ASTN2: variants seen among roughly 807,000 people sequenced by gnomAD.
ASTN2 encodes astrotactin-2.
A neutral mutation model predicts 139.8 loss-of-function variants in ASTN2; 54 were observed. The observed-to-expected ratio is 0.39, with a 90% confidence interval of 0.31 to 0.48. The LOEUF (loss-of-function observed/expected upper bound fraction) is 0.48, where lower values mean the gene tolerates loss of function less well. Among genes scored for constraint, ASTN2 ranks in the 20% least tolerant of loss-of-function variants. ASTN2 has a pLI of 0.95. For missense variants in ASTN2, 1,565 were observed against 1,725.1 expected (o/e 0.91, Z 1.64); for synonymous variants, 756 against 719.5 (o/e 1.05, Z -0.81).
rs530233639 is a variant in ASTN2, at chr9:117,095,272, G to A, written c.1276+772C>T. On this transcript the variant is annotated intron_variant, in intron 5 of 22. Coordinates refer to ENST00000313400, the MANE Select transcript of ASTN2 (RefSeq NM_001365068.1). ...CCCATCCTTATAGACAATCCAAGAT[G>A]AAGAATCACATTCACAGGCAATTGC... Among the ~76,000 whole-genome samples, 3 of 152,322 alleles carry A rather than the reference G, an allele frequency of 2.0e-5. No homozygotes were observed. In the East Asian group the frequency reaches 5.8e-4, roughly 29 times the overall value.
chr9:117,063,225 G>T (rs941238790), intron 5 of ASTN2, among the ~76,000 whole-genome samples: 2 of 152,100 alleles, frequency 1.3e-5, no homozygotes, highest in Non-Finnish European at 1.5e-5. Flanking sequence ...CCTTCATAAG[G>T]TACATTTCTT....
Position 116,733,480 on chromosome 9 carries a change from G to T in ASTN2, c.2440C>A (p.Leu814Met), listed in dbSNP as rs1208116357. 1.2e-6 allele frequency: 2 copies of T among 1,614,202 alleles called. No individual in the cohort carries two copies. The highest frequency in any genetic ancestry group is 3.3e-5 in the Admixed American group (2 of 60,032). ...TCCACCGGCAGCGGGATCACCAACAGCCCATCGGCCAGCTGGGGAAAGTCC... is the reference window on the plus strand; with the variant it reads ...TCCACCGGCAGCGGGATCACCAACATCCCATCGGCCAGCTGGGGAAAGTCC... ...IKDFPQLADG[L>M]LVIPLPVEEQ... Residue 814 changes from leucine (L) to methionine (M), a missense_variant, in exon 14 of 23, where the codon CTG becomes ATG. By Grantham distance (15) the Leu-to-Met change is conservative (BLOSUM62 2). Around this residue, in one of 4 missense-constraint regions of ASTN2, gnomAD observed 503 missense variants for 591.7 expected, o/e 0.85. Transcript: ENST00000313400.
intron 19 of ASTN2, among the ~76,000 whole-genome samples, chr9:116,535,738 T>G (rs553842386): frequency 6.6e-6 from 1 of 152,362 alleles, no homozygotes; most frequent in East Asian, 1.9e-4. Flanking sequence ...GTTAATCTGA[T>G]GGGCTTCCCT....
intron 22 of ASTN2, among the ~76,000 whole-genome samples, chr9:116,438,149 T>C (rs1847716889): frequency 6.6e-6 from 1 of 152,188 alleles, no homozygotes; most frequent in South Asian, 2.1e-4. Context: ...TGTGATTCTC[T>C]CCAATGCACC....
At chr9:117,321,784 G>A (rs538875650) in intron 1 of ASTN2, among the ~76,000 whole-genome samples, 1 of 152,232 alleles carries the variant, frequency 6.6e-6, no homozygotes, top group East Asian at 1.9e-4. Context: ...TGAGGTGGGC[G>A]CTATCTTGTG....
chr9:116,839,251 G>A (rs1218566338), intron 11 of ASTN2, among the ~76,000 whole-genome samples: 1 of 152,002 alleles, frequency 6.6e-6, no homozygotes. Flanking sequence ...GGGCTCAAGG[G>A]ATCCTCTTGC....
chr9:116,855,776 T>C (rs1346363884), intron 11 of ASTN2, among the ~76,000 whole-genome samples: 1 of 152,198 alleles, frequency 6.6e-6, no homozygotes, highest in Non-Finnish European at 1.5e-5. Flanking sequence ...TTTCTGACTC[T>C]ATTTCCTCAT....
chr9:117,221,264 T>A (rs1252506076), intron 2 of ASTN2, among the ~76,000 whole-genome samples: 2 of 151,980 alleles, frequency 1.3e-5, no homozygotes, highest in Admixed American at 1.3e-4. Flanking sequence ...CACAGAGAGA[T>A]AAAAAGTATA....
intron 20 of ASTN2, among the ~76,000 whole-genome samples, chr9:116,465,256 C>T (rs925565025): frequency 1.6e-4 from 24 of 152,304 alleles, no homozygotes; most frequent in African/African-American, 5.5e-4. Context: ...TGTCTAATAT[C>T]TCAGAGCCCC....
intron 5 of ASTN2, among the ~76,000 whole-genome samples, chr9:117,056,575 T>A (rs1839070843): frequency 1.3e-5 from 2 of 152,164 alleles, no homozygotes; most frequent in African/African-American, 4.8e-5. Context: ...TTCACAAGCT[T>A]ATTAAGAGCT....
At chr9:117,036,254 G>T (rs1463968116) in intron 6 of ASTN2, among the ~76,000 whole-genome samples, 1 of 152,152 alleles carries the variant, frequency 6.6e-6, no homozygotes, top group Non-Finnish European at 1.5e-5. Context: ...AAGGGATGGA[G>T]ATTCCATTAT....
chr9:117,286,342 T>C (rs2130775642), intron 2 of ASTN2, among the ~76,000 whole-genome samples: 1 of 144,512 alleles, frequency 6.9e-6, no homozygotes, highest in East Asian at 2.2e-4. Context: ...GCAGATAAAC[T>C]CTTCCCACTT....
intron 19 of ASTN2, among the ~76,000 whole-genome samples, chr9:116,541,320 T>C (rs1474049309): frequency 6.6e-6 from 1 of 152,130 alleles, no homozygotes; most frequent in Non-Finnish European, 1.5e-5. Flanking sequence ...AACATTTTGG[T>C]ATATACTCTT....
chr9:116,451,378 ACT>A (rs1564285978), intron 20 of ASTN2, among the ~76,000 whole-genome samples: 1 of 151,970 alleles, frequency 6.6e-6, no homozygotes, highest in Non-Finnish European at 1.5e-5. Flanking sequence ...CAGCAGTTCC[ACT>A]CTGTGTGCTT....
chr9:117,191,684 A>T (rs1269370376), intron 3 of ASTN2, among the ~76,000 whole-genome samples: 1 of 152,120 alleles, frequency 6.6e-6, no homozygotes, highest in Non-Finnish European at 1.5e-5. Flanking sequence ...AGCTCCAGCC[A>T]TTTCAAGGGA....
At chr9:116,611,481 A>C (rs1330726827) in intron 19 of ASTN2, 1 of 152,152 alleles carries the variant, frequency 6.6e-6, no homozygotes, top group Non-Finnish European at 1.5e-5. Context: ...GATTCTTTGA[A>C]AATACAAATA....
chr9:116,556,302 A>C (rs1001720807), intron 19 of ASTN2, among the ~76,000 whole-genome samples: 1 of 151,972 alleles, frequency 6.6e-6, no homozygotes. Flanking sequence ...GGTGGAGGAG[A>C]GGTCCTACAT....
intron 7 of ASTN2, among the ~76,000 whole-genome samples, chr9:117,003,954 G>GCA (rs1837279984): frequency 3.1e-5 from 3 of 96,050 alleles, no homozygotes; most frequent in Admixed American, 2.7e-4. Flanking sequence ...GCGCGCGCGC[G>GCA]TGTGTGTGTG....
intron 13 of ASTN2, among the ~76,000 whole-genome samples, chr9:116,744,317 C>T (rs1445483456): frequency 6.6e-6 from 1 of 152,146 alleles, no homozygotes; most frequent in Non-Finnish European, 1.5e-5. Context: ...GGGATCAGAT[C>T]TCATGGGTTT....
Sources: allele counts gnomAD v4.1 joint callset (sites outside exome capture counted in the v4.1 genomes callset), GRCh38; gene constraint gnomAD v4.1.1; regional missense constraint gnomAD v4.1.1; transcripts MANE v1.5; gene names NCBI Gene and HGNC (gene_info 2026-07-23, HGNC 2026-07-21).